The following AIPL1 variants were observed in gnomAD, a reference collection of about 807,000 sequenced individuals.
AIPL1 encodes aryl-hydrocarbon-interacting protein-like 1.
In AIPL1, 23 loss-of-function variants were observed where a neutral mutation model predicts 32.9. The ratio of observed to expected loss-of-function variants is 0.70; its 90% CI spans 0.50 to 0.99. The LOEUF is 0.99. AIPL1 is among the 50% of genes least tolerant of loss of function. The probability of loss-of-function intolerance (pLI) is 0.00; values close to 1 mark genes in which losing one functional copy is unlikely to be tolerated. For missense variants in AIPL1, 485 were observed against 506.0 expected, an observed-to-expected ratio of 0.96 and a Z score of 0.40; for synonymous variants, 210 against 209.4, an observed-to-expected ratio of 1.00 and a Z score of -0.02.
At chr17:6,426,829 C>T in intron 4 of AIPL1, 52 bp downstream of exon 4, 1 of 1,612,802 alleles carries the variant, frequency 6.2e-7, no homozygotes. Context: ...CGGCACTGGG[C>T]AGGCCCCCCA....
intron 2 of AIPL1, among the ~76,000 whole-genome samples, chr17:6,431,211 C>G (rs555224131): frequency 6.6e-6 from 1 of 151,652 alleles, no homozygotes; most frequent in Non-Finnish European, 1.5e-5. Context: ...TTTGGGAGGC[C>G]GAGGCAGGCA....
At chr17:6,430,476 A>C (rs1286192867) in intron 2 of AIPL1, among the ~76,000 whole-genome samples, 3 of 151,424 alleles carry the variant, frequency 2.0e-5, no homozygotes, top group Non-Finnish European at 2.9e-5. Flanking sequence ...AAAAAAAAAA[A>C]AAAACAGTTA....
At chr17:6,426,054 T>A (rs918990026) in intron 5 of AIPL1, 11 of 1,128,204 alleles carry the variant, frequency 9.8e-6, no homozygotes, top group Non-Finnish European at 1.2e-5. Context: ...AATTTTATAT[T>A]CATAACTTTG....
chr17:6,425,499 T>C lies in AIPL1; in HGVS notation c.1116A>G (p.Thr372=), dbSNP rs1489599567. The C allele has an allele frequency of 1.9e-6, 3 of 1,607,846 alleles. No homozygotes were observed. The highest frequency in any genetic ancestry group is 2.5e-6 in the Non-Finnish European group (3 of 1,178,800). ...LSAGPPAEPA[T]EPPPSPGHSL... is the part of the protein sequence containing the mutation. ...AGTGCCCTGGGGACGGGGGTGGCTC[T>C]GTGGCTGGCTCTGCAGGGGGCCCTG... Residue 372 remains threonine (T), a synonymous_variant, in exon 6 of 6, where the codon ACA becomes ACG. Coordinates refer to ENST00000381129, the MANE Select transcript of AIPL1 (RefSeq NM_014336.5).
At position 6,426,634 on chromosome 17, in the gene AIPL1, A is replaced by G. The variant is rs62637018; in HGVS notation, c.765T>C (p.Asp255=). 1.2e-3 allele frequency: 1,894 copies of G among 1,614,098 alleles called. 19 individuals are homozygous for G. The African/African-American group carries it at 0.021, about 18-fold the overall frequency. The stretch of plus-strand genomic sequence containing the variant: ...GCGCACCTGGGTGGTGCCGGAGAAT[A>G]TCACTGGTGTGCTCCAGCACCTCAT... ...EYYEVLEHTS[D]ILRHHPGIVK... The change falls in exon 5 of 6, where the codon GAT becomes GAC. Residue 255 remains aspartate, a synonymous_variant. Transcript: ENST00000381129.
chr17:6,430,598 G>A (rs1912509036), intron 2 of AIPL1, among the ~76,000 whole-genome samples: 1 of 151,862 alleles, frequency 6.6e-6, no homozygotes, highest in South Asian at 2.1e-4. Flanking sequence ...ACAACAGCTT[G>A]TGGTTTTGCA....
intron 4 of AIPL1, 61 bp from the exon 5 acceptor site, chr17:6,426,817 G>T (rs1912023441): frequency 1.2e-6 from 2 of 1,612,206 alleles, no homozygotes. Context: ...CCCCACCCTG[G>T]CCGGCACTGG....
intron 5 of AIPL1, 123 bp downstream of exon 5, chr17:6,426,492 G>A: frequency 6.6e-7 from 1 of 1,521,018 alleles, no homozygotes; most frequent in Non-Finnish European, 8.8e-7. Context: ...AAACCCGGCT[G>A]GGTGGAGACA....
chr17:6,425,567 G>A lies in AIPL1; in HGVS notation c.1048C>T (p.Pro350Ser). The A allele has an allele frequency of 6.2e-7, 1 of 1,613,118 alleles. No homozygotes were observed. The highest frequency in any genetic ancestry group is 1.1e-5 in the South Asian group (1 of 91,078). Residue 350 changes from proline to serine, a missense_variant, in exon 6 of 6, where the codon CCA (proline) becomes TCA (serine). Transcript: ENST00000381129. ...TEPPAQSSTE[P>S]PAEPPTAPSA... The stretch of plus-strand genomic sequence containing the variant: ...GGTGCTGTGGGTGGCTCTGCAGGTG[G>A]CTCTGTGGATGACTGTGCGGGTGGC...
chr17:6,428,195 C>T (rs1232537187), intron 3 of AIPL1, 123 bp downstream of exon 3: 3 of 1,102,554 alleles, frequency 2.7e-6, no homozygotes, highest in African/African-American at 1.5e-5. Flanking sequence ...TATGAACCCT[C>T]TCGTATTATC....
At chr17:6,434,977 G>A (rs200883750) in intron 1 of AIPL1, 32 bp downstream of exon 1, 198 of 1,613,904 alleles carry the variant, frequency 1.2e-4, no homozygotes, top group Non-Finnish European at 1.2e-4. Context: ...TGCTGTGGGG[G>A]ACCCTGTCTG....
rs1253147024 is a variant in AIPL1 at position 6,428,498 on chromosome 17, C to T, written c.285G>A (p.Gly95=). 4 of 1,613,808 alleles carry T rather than the reference C, an allele frequency of 2.5e-6. No homozygotes were observed. The African/African-American group carries it at 5.3e-5, about 22-fold the overall frequency. The change falls in exon 3 of 6, where the codon GGG becomes GGA. Residue 95 remains glycine, a synonymous_variant. Coordinates refer to ENST00000381129, the MANE Select transcript of AIPL1 (RefSeq NM_014336.5). The part of the protein sequence containing the change: ...AEFWCDTIHT[G]VYPILSRSLR... ...GGCTCCGGGATAGGATGGGGTAGAC[C>T]CCCGTGTGCTGTGGGGATAAACGGA...
intron 2 of AIPL1, among the ~76,000 whole-genome samples, chr17:6,430,041 A>AGG (rs1320708880): frequency 2.4e-5 from 3 of 123,414 alleles, no homozygotes; most frequent in African/African-American, 9.7e-5. Context: ...TAACTCTAGA[A>AGG]GGGGTGTGTG....
chr17:6,426,949 C>G lies in AIPL1; in HGVS notation c.574G>C (p.Gly192Arg). The G allele has an allele frequency of 6.2e-7, 1 of 1,614,220 alleles. No individual in the cohort carries two copies. The highest frequency in any genetic ancestry group is 8.5e-7 in the Non-Finnish European group (1 of 1,180,040). ...TTGGAAGAGGCCTCCTCGTAGCGGC[C>G]CAGCTTGAAGAGCCGATTTCCCTCT... ...HGEGNRLFKLGRYEEASSKYQ... is the reference protein window; with the variant it reads ...HGEGNRLFKLRRYEEASSKYQ... The change falls in exon 4 of 6, where the codon GGC becomes CGC. Residue 192 changes from glycine (G) to arginine (R), a missense_variant. Physicochemically the swap from Gly to Arg is moderately radical, Grantham distance 125 (BLOSUM62 -2). Transcript: ENST00000381129.
chr17:6,426,608 C>T lies in AIPL1; in HGVS notation c.784+7G>A, dbSNP rs753414394. 1.5e-5 allele frequency: 25 copies of T among 1,613,178 alleles called. No homozygotes were observed. Among genetic ancestry groups the T allele is most frequent in the Middle Eastern group, 1.6e-4 (1 of 6,078 alleles). ...CCCTCACTGTCCGCCCCTGCAGCCC[C>T]GCGCACCTGGGTGGTGCCGGAGAAT... On this transcript the variant is annotated splice_region_variant and intron_variant, in intron 5 of 5. Coordinates refer to ENST00000381129, the MANE Select transcript of AIPL1 (RefSeq NM_014336.5).
intron 2 of AIPL1, among the ~76,000 whole-genome samples, chr17:6,429,827 GATA>G (rs1345013800): frequency 0.17 from 5,952 of 34,806 alleles, 242 homozygotes; most frequent in South Asian, 0.31. Flanking sequence ...TAGGTAGGTA[GATA>G]GATAGATAGA....
At position 6,428,357 on chromosome 17, in the gene AIPL1, C is replaced by T. The variant is rs1241901595; in HGVS notation, c.426G>A (p.Lys142=). 2 of 1,611,546 alleles carry T rather than the reference C, an allele frequency of 1.2e-6. No homozygotes were observed. Among genetic ancestry groups the T allele is most frequent in the Non-Finnish European group, 1.7e-6 (2 of 1,180,034 alleles). Residue 142 remains lysine, a synonymous_variant, in exon 3 of 6, where the codon AAG becomes AAA. Transcript: ENST00000381129. The part of the protein sequence containing the change: ...LGYEDLDELQ[K]EPQPLVFVIE... ...TCACAAAGACCAGAGGCTGAGGCTCCTTCTGCAGCTCGTCCAGGTCCTCGT... is the reference window on the plus strand; with the variant it reads ...TCACAAAGACCAGAGGCTGAGGCTCTTTCTGCAGCTCGTCCAGGTCCTCGT...
chr17:6,434,350 C>A (rs1202605515), intron 1 of AIPL1, among the ~76,000 whole-genome samples: 1 of 130,716 alleles, frequency 7.7e-6, no homozygotes, highest in East Asian at 2.3e-4. Context: ...CAAGTAAGCC[C>A]GAGTTCTTTT....
At chr17:6,434,258 A>AC (rs1316590008) in intron 1 of AIPL1, among the ~76,000 whole-genome samples, 160 bp from the exon 2 acceptor site, 1 of 138,976 alleles carries the variant, frequency 7.2e-6, no homozygotes, top group East Asian at 2.1e-4. Flanking sequence ...CCCTGCCTGC[A>AC]CCCCCCAGGG....
Sources: allele counts gnomAD v4.1 joint callset (sites outside exome capture counted in the v4.1 genomes callset), GRCh38; gene constraint gnomAD v4.1.1; transcripts MANE v1.5; gene names NCBI Gene and HGNC (gene_info 2026-07-23, HGNC 2026-07-21).